Variants in AMOTL1 observed in about 807,000 individuals in gnomAD.
AMOTL1 encodes the protein angiomotin-like protein 1.
A neutral mutation model predicts 102.9 loss-of-function variants in AMOTL1; 45 were observed. That is an observed-to-expected ratio of 0.44 (90% confidence interval 0.34 to 0.56). The LOEUF is 0.56. Among genes scored for constraint, AMOTL1 ranks in the 20% least tolerant of loss-of-function variants. The pLI is 0.01. For missense variants in AMOTL1, 1,114 were observed against 1,225.6 expected (o/e 0.91, Z 1.36); for synonymous variants, 481 against 484.7 (o/e 0.99, Z 0.10).
chr11:94,736,739 A>G (rs1268415723), intron 2 of AMOTL1, among the ~76,000 whole-genome samples: 1 of 152,214 alleles, frequency 6.6e-6, no homozygotes, highest in Non-Finnish European at 1.5e-5. Context: ...ACTGTTTATT[A>G]TAACTCAGTG....
intron 1 of AMOTL1, among the ~76,000 whole-genome samples, chr11:94,786,126 C>T (rs906265506): frequency 2.0e-5 from 3 of 152,112 alleles, no homozygotes; most frequent in Non-Finnish European, 4.4e-5. Context: ...ATCTCGAGTT[C>T]AGGTACTTTC....
chr11:94,708,385 A>T (rs1411980708), intron 1 of AMOTL1, among the ~76,000 whole-genome samples: 1 of 152,184 alleles, frequency 6.6e-6, no homozygotes, highest in Non-Finnish European at 1.5e-5. Flanking sequence ...CAGCCTGAAG[A>T]ATGCGTAAGC....
At chr11:94,754,921 G>A (rs1950703348) in intron 3 of AMOTL1, among the ~76,000 whole-genome samples, 1 of 152,150 alleles carries the variant, frequency 6.6e-6, no homozygotes, top group Non-Finnish European at 1.5e-5. Flanking sequence ...AGATCCAACT[G>A]GTGTTTCATC....
chr11:94,873,029 T>TCAGAGGTAA lies in AMOTL1; in HGVS notation c.*2234_*2235insCAGAGGTAA, dbSNP rs1310582080. On this transcript the variant is annotated 3_prime_UTR_variant, in exon 13 of 13. Coordinates refer to ENST00000433060, the MANE Select transcript of AMOTL1 (RefSeq NM_130847.3). ...AAGGTAAATCAACTCTGCCAGCCCC[T>TCAGAGGTAA]ACCATCAGGTCTGGGCCACCCCAAA... The TCAGAGGTAA allele has an allele frequency of 2.0e-5, 3 of 152,178 alleles. No homozygotes were observed. The highest frequency in any genetic ancestry group is 4.4e-5 in the Non-Finnish European group (3 of 68,026). 9.4% of individuals were successfully genotyped at this position (152,178 alleles called of 1,614,324 possible).
intron 2 of AMOTL1, among the ~76,000 whole-genome samples, chr11:94,734,872 G>A (rs1392894863): frequency 6.6e-6 from 1 of 152,160 alleles, no homozygotes; most frequent in Non-Finnish European, 1.5e-5. Context: ...CTGGGGATGG[G>A]AAGGCCATAC....
chr11:94,735,149 C>T (rs531812207), intron 2 of AMOTL1, among the ~76,000 whole-genome samples: 14 of 152,220 alleles, frequency 9.2e-5, no homozygotes, highest in Non-Finnish European at 1.9e-4. Flanking sequence ...GTGGTCTGCT[C>T]CTCCAAGTAG....
chr11:94,771,259 T>TG (rs10692853), intron 1 of AMOTL1, among the ~76,000 whole-genome samples: 37,284 of 96,444 alleles, frequency 0.39, 7,830 homozygotes, highest in Admixed American at 0.55. Context: ...TTGGCGGGGT[T>TG]GGGGGGGGGG....
chr11:94,711,836 T>C (rs577235151), intron 1 of AMOTL1, among the ~76,000 whole-genome samples: 2 of 152,222 alleles, frequency 1.3e-5, no homozygotes, highest in South Asian at 4.1e-4. Flanking sequence ...CATTCACTCA[T>C]TTATTCATTG....
At chr11:94,821,397 A>T in intron 3 of AMOTL1, 133 bp from the exon 4 acceptor site, 2 of 928,204 alleles carry the variant, frequency 2.2e-6, no homozygotes, top group Non-Finnish European at 3.2e-6. Flanking sequence ...GAGCACAGTG[A>T]ATACCTCCCA....
Position 94,853,082 on chromosome 11 carries a change from A to G in AMOTL1, c.1795-851A>G, listed in dbSNP as rs80160408. ...TGGATTTTTCACTTGACATTATAGAATAAGCATTTCTTCATGATGTCAAAA... is the reference window on the plus strand; with the variant it reads ...TGGATTTTTCACTTGACATTATAGAGTAAGCATTTCTTCATGATGTCAAAA... On this transcript the variant is annotated intron_variant, in intron 7 of 12. Transcript: ENST00000433060. Among the ~76,000 whole-genome samples the G allele has an allele frequency of 7.9e-4, 121 of 152,304 alleles. No individual in the cohort carries two copies. The East Asian group carries it at 0.021, about 26-fold the overall frequency.
At chr11:94,797,726 A>G (rs1951394515) in intron 2 of AMOTL1, among the ~76,000 whole-genome samples, 1 of 152,242 alleles carries the variant, frequency 6.6e-6, no homozygotes, top group South Asian at 2.1e-4. Flanking sequence ...GCAAAGGTCC[A>G]GAGGCTGGAG....
chr11:94,731,088 A>G (rs1950342379), intron 2 of AMOTL1, among the ~76,000 whole-genome samples: 1 of 152,172 alleles, frequency 6.6e-6, no homozygotes, highest in Non-Finnish European at 1.5e-5. Context: ...CTTTGGGGCA[A>G]GGCTGGAACA....
chr11:94,780,026 G>T (rs574049737), intron 1 of AMOTL1, among the ~76,000 whole-genome samples: 31 of 152,316 alleles, frequency 2.0e-4, no homozygotes, highest in African/African-American at 7.5e-4. Context: ...GAAAGGAACA[G>T]ATCACTGCAA....
At chr11:94,838,641 C>G (rs951687883) in intron 6 of AMOTL1, among the ~76,000 whole-genome samples, 2 of 152,098 alleles carry the variant, frequency 1.3e-5, no homozygotes, top group African/African-American at 4.8e-5. Flanking sequence ...AGAAAGAACC[C>G]TAACAAAAGG....
chr11:94,813,451 G>A (rs1048173837), intron 3 of AMOTL1, among the ~76,000 whole-genome samples: 1 of 152,170 alleles, frequency 6.6e-6, no homozygotes, highest in Non-Finnish European at 1.5e-5. Context: ...CCCAGGCAAG[G>A]TAAAGAACTG....
chr11:94,781,426 C>T (rs2135532538), intron 1 of AMOTL1, among the ~76,000 whole-genome samples: 1 of 152,326 alleles, frequency 6.6e-6, no homozygotes, highest in Middle Eastern at 3.4e-3. Context: ...TAAAATTCTC[C>T]TTGACTTTTA....
chr11:94,741,124 C>T (rs866127332), intron 3 of AMOTL1: 8 of 683,696 alleles, frequency 1.2e-5, no homozygotes, highest in Middle Eastern at 3.1e-4. Context: ...CAGGGGACAC[C>T]TGCTGCCTTC....
At chr11:94,717,987 A>G (rs984131523) in intron 1 of AMOTL1, among the ~76,000 whole-genome samples, 53 of 152,064 alleles carry the variant, frequency 3.5e-4, no homozygotes, top group African/African-American at 1.2e-3. Context: ...TTAAAAAATT[A>G]CAAATTTAAT....
intron 2 of AMOTL1, among the ~76,000 whole-genome samples, chr11:94,736,232 G>A (rs1433520539): frequency 2.0e-5 from 3 of 152,144 alleles, no homozygotes; most frequent in South Asian, 2.1e-4. Context: ...CTCTATGTGG[G>A]AAGAAAATGA....
Sources: allele counts gnomAD v4.1 joint callset (sites outside exome capture counted in the v4.1 genomes callset), GRCh38; gene constraint gnomAD v4.1.1; transcripts MANE v1.5; gene names NCBI Gene and HGNC (gene_info 2026-07-23, HGNC 2026-07-21).